The following MAML3 variants were observed in gnomAD, a reference collection of about 807,000 sequenced individuals.
MAML3 encodes mastermind like transcriptional coactivator 3.
MAML3 carries 27 observed loss-of-function variants against 101.9 expected under a neutral mutation model. The ratio of observed to expected loss-of-function variants is 0.27; its 90% CI spans 0.20 to 0.37. The LOEUF is 0.37. Among genes scored for constraint, MAML3 ranks in the 10% least tolerant of loss-of-function variants. The pLI is 1.00. For synonymous variants in MAML3, 501 were observed against 555.9 expected (o/e 0.90, Z 1.39); for missense variants, 1,316 against 1,444.9 (o/e 0.91, Z 1.45).
At chr4:139,996,749 G>A (rs1387851920) in intron 1 of MAML3, among the ~76,000 whole-genome samples, 1 of 151,482 alleles carries the variant, frequency 6.6e-6, no homozygotes, top group Non-Finnish European at 1.5e-5. Context: ...GATTTGAGTG[G>A]TTAGACCATT....
intron 2 of MAML3, among the ~76,000 whole-genome samples, chr4:139,782,459 G>T (rs985046959): frequency 3.3e-5 from 5 of 152,192 alleles, no homozygotes; most frequent in Non-Finnish European, 7.3e-5. Context: ...GAGCCACTGT[G>T]CTGGGACTGA....
intron 1 of MAML3, among the ~76,000 whole-genome samples, chr4:139,944,679 C>A (rs1188375894): frequency 6.7e-6 from 1 of 148,580 alleles, no homozygotes. Flanking sequence ...ATTTATGCAG[C>A]CAAAAAACAC....
chr4:139,811,189 T>C (rs1470190834), intron 2 of MAML3, among the ~76,000 whole-genome samples: 1 of 152,222 alleles, frequency 6.6e-6, no homozygotes, highest in Non-Finnish European at 1.5e-5. Context: ...GCCACTGTTA[T>C]AGAGTGCTTC....
rs547904767 is a variant in MAML3 at position 139,748,661 on chromosome 4, T to C, written c.2080-17994A>G. Among the ~76,000 whole-genome samples the C allele has an allele frequency of 2.6e-4, 39 of 152,232 alleles. 1 individual carries two copies. The highest frequency in any genetic ancestry group is 4.7e-4 in the Non-Finnish European group (32 of 68,014). On this transcript the variant is annotated intron_variant, in intron 2 of 4. Transcript: ENST00000509479. ...TTGACCACAGCTGTGCTTTCTATAG[T>C]CTATATGTTTCTGGGGTAAGGAGCA...
At position 139,890,658 on chromosome 4, in the gene MAML3, T is replaced by G. The variant is rs752418278; in HGVS notation, c.778A>C (p.Ser260Arg). The change falls in exon 2 of 5, where the codon AGT (serine) becomes CGT (arginine). Residue 260 changes from serine to arginine, a missense_variant. Physicochemically the swap from Ser to Arg is moderately radical, Grantham distance 110 (BLOSUM62 -1). Coordinates refer to ENST00000509479, the MANE Select transcript of MAML3 (RefSeq NM_018717.5). The surrounding 1 kb of genome is among the most constrained non-coding windows in gnomAD (Gnocchi z 4.1). ...PEIKLPVNGC[S>R]DLEDSFTILQ... The stretch of plus-strand genomic sequence containing the variant: ...ATGGTGAAGCTATCCTCCAGGTCAC[T>G]GCAACCGTTGACAGGAAGTTTAATC... 1 of 1,613,986 alleles carries G rather than the reference T, an allele frequency of 6.2e-7. No homozygotes were observed.
intron 1 of MAML3, among the ~76,000 whole-genome samples, chr4:140,029,028 G>A (rs537207624): frequency 3.6e-4 from 55 of 152,246 alleles, no homozygotes; most frequent in Non-Finnish European, 6.8e-4. Context: ...CTGACCTTGA[G>A]TAAAGCACCT....
intron 2 of MAML3, among the ~76,000 whole-genome samples, chr4:139,832,094 CTTTTTTT>C (rs70943444): frequency 0.022 from 1,453 of 64,660 alleles, 27 homozygotes; most frequent in Non-Finnish European, 0.04. Flanking sequence ...TGCCCAGCCC[CTTTTTTT>C]TTTTTTTTTT....
intron 1 of MAML3, among the ~76,000 whole-genome samples, chr4:139,900,983 T>C (rs945518455): frequency 6.6e-6 from 1 of 152,230 alleles, no homozygotes; most frequent in African/African-American, 2.4e-5. Flanking sequence ...TACTCAGTTA[T>C]GCCTGCCTCT....
intron 2 of MAML3, among the ~76,000 whole-genome samples, chr4:139,862,045 C>A (rs1203568414): frequency 6.6e-6 from 1 of 152,056 alleles, no homozygotes; most frequent in Non-Finnish European, 1.5e-5. Context: ...CCTGTCTCTA[C>A]TAAAAATACA....
chr4:139,855,804 CAA>C (rs1248344692), intron 2 of MAML3, among the ~76,000 whole-genome samples: 2 of 152,080 alleles, frequency 1.3e-5, no homozygotes. Flanking sequence ...CATATGGCAG[CAA>C]AAAATTTTAT....
At chr4:140,037,241 G>GAAA (rs36104617) in intron 1 of MAML3, among the ~76,000 whole-genome samples, 2 of 138,898 alleles carry the variant, frequency 1.4e-5, no homozygotes, top group East Asian at 2.1e-4. Context: ...CCCTCTGCTT[G>GAAA]AAAAAAAAAA....
chr4:140,014,062 G>A (rs1359328364), intron 1 of MAML3, among the ~76,000 whole-genome samples: 1 of 152,136 alleles, frequency 6.6e-6, no homozygotes, highest in Non-Finnish European at 1.5e-5. Context: ...TCCACAATGT[G>A]GAACCATCTT....
At chr4:140,024,608 T>C (rs1261247379) in intron 1 of MAML3, among the ~76,000 whole-genome samples, 2 of 152,288 alleles carry the variant, frequency 1.3e-5, no homozygotes, top group East Asian at 3.9e-4. Flanking sequence ...TCTTAATCAC[T>C]CTGCTATTCA....
At chr4:140,073,316 T>C (rs1296683676) in intron 1 of MAML3, among the ~76,000 whole-genome samples, 2 of 152,086 alleles carry the variant, frequency 1.3e-5, no homozygotes, top group Non-Finnish European at 2.9e-5. Context: ...TTTTGTATTT[T>C]TAGTAGAGAC....
chr4:139,764,415 C>T (rs1028339936), intron 2 of MAML3, among the ~76,000 whole-genome samples: 56 of 152,144 alleles, frequency 3.7e-4, no homozygotes, highest in African/African-American at 1.2e-3. Flanking sequence ...TGCATGTTGC[C>T]GGGCAGAGGA....
At chr4:139,842,623 T>C (rs1439835994) in intron 2 of MAML3, among the ~76,000 whole-genome samples, 2 of 151,962 alleles carry the variant, frequency 1.3e-5, no homozygotes, top group Non-Finnish European at 2.9e-5. Flanking sequence ...GTTCAAGTGA[T>C]TCTCATGCCT....
intron 2 of MAML3, among the ~76,000 whole-genome samples, chr4:139,839,335 C>T (rs377018835): frequency 1.3e-5 from 2 of 152,282 alleles, no homozygotes; most frequent in African/African-American, 2.4e-5. Flanking sequence ...GGCAAAAGTA[C>T]TCTTGAAACA....
At chr4:139,974,841 T>A (rs1490460306) in intron 1 of MAML3, among the ~76,000 whole-genome samples, 1 of 152,088 alleles carries the variant, frequency 6.6e-6, no homozygotes, top group African/African-American at 2.4e-5. Flanking sequence ...AAAAGAAACT[T>A]CAGCTTGGAC....
At chr4:139,997,813 TTAGGTACAG>T (rs1002427702) in intron 1 of MAML3, among the ~76,000 whole-genome samples, 2 of 152,082 alleles carry the variant, frequency 1.3e-5, no homozygotes, top group Admixed American at 6.5e-5. Flanking sequence ...GATAGTTTGG[TTAGGTACAG>T]AAGGTACAGA....
Sources: gnomAD v4.1 joint callset for allele counts (sites outside exome capture counted in the v4.1 genomes callset) on GRCh38, gnomAD v4.1.1 for gene constraint, Gnocchi (gnomAD v3.1) non-coding constraint, MANE v1.5 for transcripts, NCBI Gene and HGNC (gene_info 2026-07-23, HGNC 2026-07-21) for gene names.